FAAH2: variants seen among roughly 807,000 people sequenced by gnomAD.
FAAH2 encodes the protein fatty-acid amide hydrolase 2.
A neutral mutation model predicts 36.9 loss-of-function variants in FAAH2; 60 were observed. The observed-to-expected ratio is 1.63, with a 90% confidence interval of 1.32 to 2.02. The LOEUF (loss-of-function observed/expected upper bound fraction) is 2.02. Ranked by LOEUF, FAAH2 falls within the 30% of genes most tolerant of loss-of-function variation. FAAH2 has a pLI of 0.00. For synonymous variants in FAAH2, 214 were observed against 143.8 expected, an observed-to-expected ratio of 1.49 and a Z score of -3.49; for missense variants, 689 against 397.5, an observed-to-expected ratio of 1.73 and a Z score of -6.23.
intron 2 of FAAH2, among the ~76,000 whole-genome samples, chrX:57,296,285 G>C (rs2052154467): frequency 9.0e-6 from 1 of 111,444 alleles, no homozygotes; most frequent in Admixed American, 9.5e-5. Flanking sequence ...AGCAGCATTT[G>C]TGGTTCACCA....
At chrX:57,265,821 G>A in the FAAH2 span, among the ~76,000 whole-genome samples, 6 of 111,903 alleles carry the variant, frequency 5.4e-5, no homozygotes, top group Non-Finnish European at 1.1e-4. Flanking sequence ...CACCAGCACA[G>A]CACACTGCCC....
the FAAH2 span, among the ~76,000 whole-genome samples, chrX:57,163,333 C>T: frequency 2.0e-4 from 22 of 112,199 alleles, no homozygotes; most frequent in Admixed American, 2.0e-3. Context: ...TGCCCTGCCC[C>T]CAGAGGTGGA....
chrX:57,413,851 G>A (rs1350207728), intron 7 of FAAH2, among the ~76,000 whole-genome samples: 1 of 111,988 alleles, frequency 8.9e-6, no homozygotes, highest in Non-Finnish European at 1.9e-5. Context: ...AGCATGGGAT[G>A]TTTTTCCACT....
the FAAH2 span, among the ~76,000 whole-genome samples, chrX:57,149,259 A>G: frequency 9.0e-6 from 1 of 111,598 alleles, no homozygotes; most frequent in African/African-American, 3.3e-5. Flanking sequence ...TATCAGGATG[A>G]TGCTGGCCTT....
intron 2 of FAAH2, among the ~76,000 whole-genome samples, chrX:57,304,097 C>T (rs2052453245): frequency 9.0e-6 from 1 of 111,568 alleles, no homozygotes; most frequent in Non-Finnish European, 1.9e-5. Context: ...ATCCCAGCTA[C>T]TCAGGGGGCC....
chrX:57,194,509 C>T, the FAAH2 span, among the ~76,000 whole-genome samples: 1 of 110,910 alleles, frequency 9.0e-6, no homozygotes, highest in African/African-American at 3.3e-5. Flanking sequence ...TATTTCTTCT[C>T]TAATGTTTGT....
chrX:57,475,679 C>T (rs1305636341), intron 10 of FAAH2, among the ~76,000 whole-genome samples: 1 of 111,843 alleles, frequency 8.9e-6, no homozygotes. Context: ...TAAATGGGCT[C>T]TTTTCTGGTT....
chrX:57,375,810 A>G (rs746036385), intron 5 of FAAH2, among the ~76,000 whole-genome samples: 2 of 111,887 alleles, frequency 1.8e-5, no homozygotes, highest in South Asian at 3.7e-4. Flanking sequence ...ATATTTGCCC[A>G]TCCAAAGCCA....
At chrX:57,167,075 T>C in the FAAH2 span, among the ~76,000 whole-genome samples, 1 of 111,795 alleles carries the variant, frequency 8.9e-6, no homozygotes, top group African/African-American at 3.3e-5. Context: ...GCCACAGCTT[T>C]ATGTTGGGAT....
At chrX:57,143,827 A>G in the FAAH2 span, among the ~76,000 whole-genome samples, 1 of 111,765 alleles carries the variant, frequency 8.9e-6, no homozygotes, top group Non-Finnish European at 1.9e-5. Flanking sequence ...GTAAAGATAT[A>G]AGTGGTTTAT....
intron 8 of FAAH2, among the ~76,000 whole-genome samples, chrX:57,437,874 T>TACATATATACATACGTATATGTATAC (rs1569344482): frequency 2.9e-5 from 3 of 103,231 alleles, no homozygotes. Flanking sequence ...TATATCTGTA[T>TACATATATACATACGTATATGTATAC]ACATATATAC....
the FAAH2 span, among the ~76,000 whole-genome samples, chrX:57,221,424 C>A: frequency 1.8e-5 from 2 of 111,069 alleles, no homozygotes; most frequent in Non-Finnish European, 3.8e-5. Context: ...TCCACAATAC[C>A]CTTAAATAGC....
intron 10 of FAAH2, 82 bp from the exon 11 acceptor site, chrX:57,488,675 T>G: frequency 1.1e-6 from 1 of 940,592 alleles, no homozygotes; most frequent in Non-Finnish European, 1.5e-6. Flanking sequence ...TTTTCACCTA[T>G]TTATTATTGG....
intron 5 of FAAH2, among the ~76,000 whole-genome samples, chrX:57,350,224 G>A (rs1015537827): frequency 2.7e-5 from 3 of 110,943 alleles, no homozygotes; most frequent in African/African-American, 9.8e-5. Flanking sequence ...AATTTGTCAC[G>A]ATTAGATTGG....
At chrX:57,306,052 G>T (rs2052513441) in intron 2 of FAAH2, among the ~76,000 whole-genome samples, 1 of 112,026 alleles carries the variant, frequency 8.9e-6, no homozygotes, top group Non-Finnish European at 1.9e-5. Context: ...CCAAGTTTGT[G>T]CCTATTGGAA....
At chrX:57,187,913 G>A in the FAAH2 span, among the ~76,000 whole-genome samples, 9 of 111,486 alleles carry the variant, frequency 8.1e-5, no homozygotes, top group Non-Finnish European at 1.5e-4. Context: ...GGATGAAGCC[G>A]ACTTGTTCAT....
chrX:57,486,429 G>T (rs1227517121), intron 10 of FAAH2, among the ~76,000 whole-genome samples: 7 of 111,658 alleles, frequency 6.3e-5, no homozygotes, highest in Non-Finnish European at 1.3e-4. Flanking sequence ...AAGGAAGCTG[G>T]CTAGGGACTT....
chrX:57,136,771 T>C, the FAAH2 span: 2 of 324,247 alleles, frequency 6.2e-6, no homozygotes, highest in Non-Finnish European at 1.1e-5. Flanking sequence ...CCTCTTAAGT[T>C]CCTTTGGGCT....
rs375401533 is a variant in FAAH2 at position 57,420,199 on chromosome X, T to C, written c.997-11719T>C. 1.0e-4 allele frequency among the ~76,000 whole-genome samples: 11 copies of C among 106,771 alleles called. No individual in the cohort carries two copies. The South Asian group carries it at 1.7e-3, about 16-fold the overall frequency. The allele number at this position is 106,771 out of a possible 115,157, so 92.7% of individuals were successfully genotyped here. ...TTGGCTTAGGATTGACTTGGCGATGTGGGCTCTTTTTTGGTTCCATATGAA... is the reference window on the plus strand; with the variant it reads ...TTGGCTTAGGATTGACTTGGCGATGCGGGCTCTTTTTTGGTTCCATATGAA... On this transcript the variant is annotated intron_variant, in intron 7 of 10. Coordinates refer to ENST00000374900, the MANE Select transcript of FAAH2 (RefSeq NM_174912.4).
Sources: allele counts gnomAD v4.1 joint callset (sites outside exome capture counted in the v4.1 genomes callset), GRCh38; gene constraint gnomAD v4.1.1; transcripts MANE v1.5; gene names NCBI Gene and HGNC (gene_info 2026-07-23, HGNC 2026-07-21).